SUMF1: variants seen among roughly 807,000 people sequenced by gnomAD.
The protein encoded by SUMF1 is sulfatase modifying factor 1, also known as formylglycine-generating enzyme.
In SUMF1, 48 loss-of-function variants were observed where a neutral mutation model predicts 47.6. The observed-to-expected ratio is 1.01, with a 90% CI of 0.80 to 1.28. The LOEUF (loss-of-function observed/expected upper bound fraction) is 1.28. SUMF1 is among the 50% of genes most tolerant of loss of function. The pLI, the probability that SUMF1 is intolerant of heterozygous loss-of-function variation, is 0.00. For synonymous variants in SUMF1, 230 were observed against 192.1 expected, an observed-to-expected ratio of 1.20 and a Z score of -1.63; for missense variants, 571 against 485.4, an observed-to-expected ratio of 1.18 and a Z score of -1.66.
intron 8 of SUMF1, among the ~76,000 whole-genome samples, chr3:4,115,334 C>T (rs1173934413): frequency 6.6e-6 from 1 of 152,046 alleles, no homozygotes; most frequent in Non-Finnish European, 1.5e-5. Context: ...TCTCCAAGCC[C>T]GCGTGTGATC....
intron 8 of SUMF1, among the ~76,000 whole-genome samples, chr3:4,306,042 A>AG (rs1698174110): frequency 6.6e-6 from 1 of 151,692 alleles, no homozygotes; most frequent in Non-Finnish European, 1.5e-5. Flanking sequence ...AATATATGCA[A>AG]GGTGGTGGGT....
At chr3:4,188,423 G>C (rs142007358) in intron 8 of SUMF1, among the ~76,000 whole-genome samples, 154 of 152,042 alleles carry the variant, frequency 1.0e-3, no homozygotes, top group East Asian at 3.7e-3. Flanking sequence ...TATTTTCACT[G>C]TCCTAAAAAT....
At chr3:4,218,149 A>G (rs1476466720) in intron 8 of SUMF1, among the ~76,000 whole-genome samples, 1 of 152,018 alleles carries the variant, frequency 6.6e-6, no homozygotes, top group African/African-American at 2.4e-5. Flanking sequence ...TCGGGTGAAG[A>G]CACTGGAAGA....
chr3:4,153,048 C>A (rs778063771), intron 8 of SUMF1, among the ~76,000 whole-genome samples: 1 of 151,482 alleles, frequency 6.6e-6, no homozygotes, highest in Non-Finnish European at 1.5e-5. Flanking sequence ...GAACTGCAAG[C>A]GAGCTCTCAG....
chr3:4,158,051 G>C (rs192118241), intron 8 of SUMF1, among the ~76,000 whole-genome samples: 2 of 151,664 alleles, frequency 1.3e-5, no homozygotes, highest in Non-Finnish European at 1.5e-5. Context: ...AGATAATTCA[G>C]TCCAATTGAG....
chr3:4,251,855 A>C (rs1049610234), intron 8 of SUMF1, among the ~76,000 whole-genome samples: 2 of 152,196 alleles, frequency 1.3e-5, no homozygotes, highest in Non-Finnish European at 2.9e-5. Flanking sequence ...TAATTATTAG[A>C]ATTTTTTTTA....
intron 8 of SUMF1, among the ~76,000 whole-genome samples, chr3:4,097,781 G>C (rs1692939269): frequency 6.6e-6 from 1 of 152,040 alleles, no homozygotes; most frequent in African/African-American, 2.4e-5. Flanking sequence ...AGATTAACCA[G>C]AGTTCTTTCA....
intron 8 of SUMF1, among the ~76,000 whole-genome samples, chr3:4,132,643 G>C (rs1272539390): frequency 6.6e-6 from 1 of 151,986 alleles, no homozygotes; most frequent in African/African-American, 2.4e-5. Context: ...TTAGTTCCTG[G>C]GGGAGGAACG....
chr3:4,277,093 G>A (rs148233713), intron 8 of SUMF1, among the ~76,000 whole-genome samples: 159 of 152,152 alleles, frequency 1.0e-3, no homozygotes, highest in Non-Finnish European at 1.6e-3. Context: ...TATTATACGC[G>A]GAACCTGCTT....
At chr3:4,174,435 GCCTGTTATC>G (rs538321488) in intron 8 of SUMF1, among the ~76,000 whole-genome samples, 28 of 151,568 alleles carry the variant, frequency 1.8e-4, no homozygotes, top group Non-Finnish European at 3.8e-4. Flanking sequence ...AGTGGCTCAT[GCCTGTTATC>G]CCAGGGGATA....
intron 3 of SUMF1, among the ~76,000 whole-genome samples, chr3:4,441,328 T>G (rs983451394): frequency 6.6e-6 from 1 of 152,226 alleles, no homozygotes; most frequent in Admixed American, 6.5e-5. Context: ...ACTGCATAGT[T>G]GCAAGAAAAC....
chr3:4,267,397 T>A (rs1697218094), intron 8 of SUMF1, among the ~76,000 whole-genome samples: 1 of 152,182 alleles, frequency 6.6e-6, no homozygotes, highest in Non-Finnish European at 1.5e-5. Flanking sequence ...TTACCGCAAT[T>A]TCAGCTCCTG....
intron 8 of SUMF1, among the ~76,000 whole-genome samples, chr3:4,339,795 G>A (rs1408127625): frequency 1.3e-5 from 2 of 152,108 alleles, no homozygotes; most frequent in Non-Finnish European, 2.9e-5. Context: ...ACACTGACTG[G>A]GCCAGGCATG....
intron 8 of SUMF1, among the ~76,000 whole-genome samples, chr3:4,102,162 C>G (rs1346956282): frequency 6.6e-6 from 1 of 152,174 alleles, no homozygotes; most frequent in African/African-American, 2.4e-5. Flanking sequence ...GGTGGGGATA[C>G]AGCCAAGTCA....
chr3:4,446,293 A>G (rs1056247819), intron 3 of SUMF1, among the ~76,000 whole-genome samples: 2 of 150,324 alleles, frequency 1.3e-5, no homozygotes, highest in Non-Finnish European at 2.9e-5. Flanking sequence ...CATGATAGTA[A>G]ATAAGTCTCA....
At chr3:4,062,691 T>C (rs1464763070) in intron 9 of SUMF1, among the ~76,000 whole-genome samples, 1 of 152,176 alleles carries the variant, frequency 6.6e-6, no homozygotes, top group African/African-American at 2.4e-5. Flanking sequence ...ATTTGAACCA[T>C]ATTAGCCATG....
intron 3 of SUMF1, among the ~76,000 whole-genome samples, chr3:4,429,945 G>C (rs746127863): frequency 1.3e-5 from 2 of 152,144 alleles, no homozygotes; most frequent in Non-Finnish European, 2.9e-5. Flanking sequence ...GGGAACATTT[G>C]CATACTTTTA....
rs147871461 is a variant in SUMF1 at position 4,136,194 on chromosome 3, C to T, written c.1015-67449G>A. Among the ~76,000 whole-genome samples the T allele has an allele frequency of 6.5e-3, 997 of 152,260 alleles. 21 individuals carry two copies. The highest frequency in any genetic ancestry group is 0.023 in the African/African-American group (958 of 41,544). On this transcript the variant is annotated intron_variant and NMD_transcript_variant, in intron 8 of 12. Transcript: ENST00000448413. ...ACAATCCTAAGCCAAAAGAACAAAGCTGGAGGCATCATGCTACCTGACTTC... is the reference window on the plus strand; with the variant it reads ...ACAATCCTAAGCCAAAAGAACAAAGTTGGAGGCATCATGCTACCTGACTTC...
intron 9 of SUMF1, among the ~76,000 whole-genome samples, chr3:4,035,939 G>C (rs1694785376): frequency 6.6e-6 from 1 of 152,090 alleles, no homozygotes; most frequent in African/African-American, 2.4e-5. Flanking sequence ...TGAATGCTTT[G>C]GGTGCAGTTC....
Sources: gnomAD v4.1 joint callset for allele counts (sites outside exome capture counted in the v4.1 genomes callset) on GRCh38, gnomAD v4.1.1 for gene constraint, MANE v1.5 for transcripts, NCBI Gene and HGNC (gene_info 2026-07-23, HGNC 2026-07-21) for gene names.